RERG: variants seen among roughly 807,000 people sequenced by gnomAD.
RERG encodes the protein RAS like estrogen regulated growth inhibitor.
A neutral mutation model predicts 23.2 loss-of-function variants in RERG; 25 were observed. The ratio of observed to expected loss-of-function variants is 1.08; its 90% CI spans 0.79 to 1.50. The LOEUF is 1.50. Ranked by LOEUF, RERG falls within the 40% of genes most tolerant of loss-of-function variation. RERG has a pLI of 0.00. For missense variants in RERG, 253 were observed against 250.1 expected (o/e 1.01, Z -0.08); for synonymous variants, 81 against 89.1 (o/e 0.91, Z 0.51).
chr12:15,139,749 T>C (rs895247461), intron 2 of RERG, among the ~76,000 whole-genome samples: 14 of 152,166 alleles, frequency 9.2e-5, no homozygotes, highest in African/African-American at 3.4e-4. Context: ...GAAAATCATA[T>C]CATTTGTGAA....
chr12:15,167,507 G>A (rs936577191), intron 2 of RERG, among the ~76,000 whole-genome samples: 3 of 152,120 alleles, frequency 2.0e-5, no homozygotes, highest in Admixed American at 1.3e-4. Context: ...TTTCTAAGAC[G>A]GTGCTGGTGC....
At chr12:15,121,002 A>G in intron 3 of RERG, 61 bp downstream of exon 3, 2 of 1,194,794 alleles carry the variant, frequency 1.7e-6, no homozygotes, top group Non-Finnish European at 2.5e-6. Flanking sequence ...AGAAAACATT[A>G]TTCTTTCTTT....
At chr12:15,164,706 GGTCCACTAAGCA>G (rs1403499992) in intron 2 of RERG, among the ~76,000 whole-genome samples, 2 of 152,100 alleles carry the variant, frequency 1.3e-5, no homozygotes, top group Non-Finnish European at 2.9e-5. Context: ...GATTACCCAT[GGTCCACTAAGCA>G]GTCACATTGA....
At chr12:15,162,244 G>A (rs1458448472) in intron 2 of RERG, among the ~76,000 whole-genome samples, 1 of 152,210 alleles carries the variant, frequency 6.6e-6, no homozygotes, top group African/African-American at 2.4e-5. Flanking sequence ...TATGCACTGA[G>A]TGAAACAAGG....
chr12:15,201,702 AATT>A (rs1306178065), intron 2 of RERG, among the ~76,000 whole-genome samples: 2 of 149,798 alleles, frequency 1.3e-5, no homozygotes, highest in Admixed American at 1.3e-4. Flanking sequence ...AGCTAATATT[AATT>A]ATTAGTAATA....
chr12:15,153,675 C>G (rs1864478149), intron 2 of RERG, among the ~76,000 whole-genome samples: 1 of 152,080 alleles, frequency 6.6e-6, no homozygotes, highest in South Asian at 2.1e-4. Context: ...AGAATAAATG[C>G]ATTGACTGAA....
intron 2 of RERG, among the ~76,000 whole-genome samples, chr12:15,169,193 G>A (rs778018994): frequency 2.6e-5 from 4 of 152,204 alleles, no homozygotes; most frequent in Non-Finnish European, 4.4e-5. Flanking sequence ...TATAAAAACA[G>A]ATCTGTAGTG....
intron 2 of RERG, among the ~76,000 whole-genome samples, chr12:15,161,199 A>AAAGAAAGAAAGAAAGG (rs1864606639): frequency 2.0e-5 from 3 of 149,502 alleles, no homozygotes; most frequent in Non-Finnish European, 4.5e-5. Context: ...AGAAAGAAAG[A>AAAGAAAGAAAGAAAGG]AAGAAAGAAA....
At chr12:15,160,698 A>G (rs966895706) in intron 2 of RERG, among the ~76,000 whole-genome samples, 1 of 152,250 alleles carries the variant, frequency 6.6e-6, no homozygotes, top group Non-Finnish European at 1.5e-5. Context: ...AAGGCATTAC[A>G]CAGAATGCTG....
chr12:15,154,394 T>C (rs1408315578), intron 2 of RERG: 2 of 152,222 alleles, frequency 1.3e-5, no homozygotes, highest in African/African-American at 2.4e-5. Context: ...GCAAATCTGT[T>C]GGAAAAACTC....
At chr12:15,115,510 A>G (rs774936808) in intron 3 of RERG, among the ~76,000 whole-genome samples, 2 of 152,164 alleles carry the variant, frequency 1.3e-5, no homozygotes, top group South Asian at 4.1e-4. Context: ...GAGGAATAAT[A>G]TAAGGCCTCC....
intron 2 of RERG, among the ~76,000 whole-genome samples, chr12:15,125,445 G>A (rs559548485): frequency 7.2e-5 from 11 of 152,070 alleles, no homozygotes; most frequent in Admixed American, 3.3e-4. Context: ...ATGCCTCCAG[G>A]AGATAGAGTA....
intron 2 of RERG, among the ~76,000 whole-genome samples, chr12:15,209,737 G>A (rs1236338970): frequency 6.6e-6 from 1 of 152,030 alleles, no homozygotes; most frequent in Non-Finnish European, 1.5e-5. Flanking sequence ...AAATTCTAAT[G>A]GTCATTTCAT....
At chr12:15,174,421 A>G (rs976894124) in intron 2 of RERG, among the ~76,000 whole-genome samples, 1 of 151,892 alleles carries the variant, frequency 6.6e-6, no homozygotes, top group Admixed American at 6.6e-5. Context: ...AAATTTGACT[A>G]TAATAATGTA....
intron 1 of RERG, among the ~76,000 whole-genome samples, chr12:15,220,530 T>A (rs924223402): frequency 6.6e-6 from 1 of 150,694 alleles, no homozygotes; most frequent in Non-Finnish European, 1.5e-5. Flanking sequence ...TAACCTTATT[T>A]ACTTACTTAT....
chr12:15,121,016 G>T, intron 3 of RERG, 47 bp downstream of exon 3: 1 of 1,272,310 alleles, frequency 7.9e-7, no homozygotes. Flanking sequence ...TTTCTTTGGG[G>T]CCATAAATTT....
chr12:15,166,787 T>C (rs547679475), intron 2 of RERG, among the ~76,000 whole-genome samples: 11 of 152,318 alleles, frequency 7.2e-5, no homozygotes, highest in African/African-American at 2.2e-4. Context: ...TTTTTTTTTT[T>C]TCGATATTTA....
chr12:15,184,428 A>G (rs1864963437), intron 2 of RERG, among the ~76,000 whole-genome samples: 1 of 136,464 alleles, frequency 7.3e-6, no homozygotes, highest in African/African-American at 3.2e-5. Flanking sequence ...TGCTTCTTAC[A>G]GAAAGAAAAA....
intron 2 of RERG, among the ~76,000 whole-genome samples, chr12:15,130,210 C>T (rs1187830214): frequency 6.6e-6 from 1 of 152,118 alleles, no homozygotes; most frequent in African/African-American, 2.4e-5. Flanking sequence ...AAGCAGTGGA[C>T]ATCAAAGCCT....
Sources: allele counts gnomAD v4.1 joint callset (sites outside exome capture counted in the v4.1 genomes callset), GRCh38; gene constraint gnomAD v4.1.1; transcripts MANE v1.5; gene names NCBI Gene and HGNC (gene_info 2026-07-23, HGNC 2026-07-21).